Variants in FNTB observed in about 807,000 individuals in gnomAD.
The protein encoded by FNTB is protein farnesyltransferase subunit beta.
FNTB carries 27 observed loss-of-function variants against 59.4 expected under a neutral mutation model. That is an observed-to-expected ratio of 0.45 (90% CI 0.34 to 0.63). FNTB has a LOEUF of 0.63. Among genes scored for constraint, FNTB ranks in the 20% least tolerant of loss-of-function variants. The pLI is 0.02. For missense variants in FNTB, 449 were observed against 559.6 expected (o/e 0.80, Z 1.99); for synonymous variants, 230 against 220.7 (o/e 1.04, Z -0.37).
intron 11 of FNTB, among the ~76,000 whole-genome samples, chr14:65,060,389 G>A (rs1221272445): frequency 1.3e-5 from 2 of 149,422 alleles, no homozygotes; most frequent in East Asian, 4.1e-4. Context: ...AGGAGTTCGA[G>A]ACCAGCCGGA....
chr14:65,010,503 G>A (rs941975649), intron 2 of FNTB, among the ~76,000 whole-genome samples: 1 of 152,148 alleles, frequency 6.6e-6, no homozygotes, highest in Admixed American at 6.6e-5. Flanking sequence ...ACACTAGTTC[G>A]GGCCCTAAGT....
intron 11 of FNTB, 29 bp from the exon 12 acceptor site, chr14:65,061,152 T>TTAAC (rs1874933200): frequency 3.1e-6 from 5 of 1,612,926 alleles, no homozygotes; most frequent in Non-Finnish European, 4.2e-6. Context: ...ACCGGGGTGA[T>TTAAC]TAACTGGCAC....
chr14:65,055,511 T>C (rs893852772), intron 11 of FNTB, among the ~76,000 whole-genome samples: 2 of 152,156 alleles, frequency 1.3e-5, no homozygotes, highest in Admixed American at 1.3e-4. Context: ...AAAATTTTTT[T>C]TTTAATTTTT....
intron 1 of FNTB, 51 bp from the exon 2 acceptor site, chr14:65,004,198 A>G (rs769257165): frequency 1.3e-6 from 2 of 1,588,504 alleles, no homozygotes; most frequent in Admixed American, 1.8e-5. Context: ...AAGCTGATGG[A>G]GGTCTCATCT....
chr14:65,020,193 T>C (rs534659166), intron 4 of FNTB, among the ~76,000 whole-genome samples: 29 of 152,344 alleles, frequency 1.9e-4, no homozygotes, highest in Admixed American at 9.1e-4. Flanking sequence ...TGTCAGCTGC[T>C]ATGACCGCTG....
rs374513631 is a variant in FNTB at position 64,997,602 on chromosome 14, G to A, written c.145-6647G>A. Among the ~76,000 whole-genome samples, 101 of 152,316 alleles carry A rather than the reference G, an allele frequency of 6.6e-4. No homozygotes were observed. The highest frequency in any genetic ancestry group is 3.4e-3 in the Middle Eastern group (1 of 294). On this transcript the variant is annotated intron_variant, in intron 1 of 11. Coordinates refer to ENST00000246166, the MANE Select transcript of FNTB (RefSeq NM_002028.4). The surrounding 1 kb of genome is among the most constrained non-coding windows in gnomAD (Gnocchi z 4.5). ...AGCAAGCTGGAAGAACCCGTTGGGC[G>A]GTTACAAAATGAGTAAATCTCAAAG... is the stretch of plus-strand genomic sequence containing the variant.
At position 64,997,694 on chromosome 14, in the gene FNTB, C is replaced by T. The variant is rs553683953; in HGVS notation, c.145-6555C>T. ...AACAAAGAAGGATGTTGGGGAGGCC[C>T]GGAATGGGGAGGTGACCGGGAAAAG... On this transcript the variant is annotated intron_variant, in intron 1 of 11. Transcript: ENST00000246166. The surrounding 1 kb of genome is among the most constrained non-coding windows in gnomAD (Gnocchi z 4.5). 2.1e-3 allele frequency among the ~76,000 whole-genome samples: 314 copies of T among 152,186 alleles called. No individual in the cohort carries two copies. Among genetic ancestry groups the T allele is most frequent in the African/African-American group, 6.9e-3 (286 of 41,508 alleles).
In FNTB at chr14:64,994,812, T is replaced by C. The variant is rs1594984033; in HGVS notation, c.144+7715T>C. 6.6e-6 allele frequency among the ~76,000 whole-genome samples: 1 copy of C among 152,132 alleles called. No homozygotes were observed. The highest frequency in any genetic ancestry group is 1.5e-5 in the Non-Finnish European group (1 of 68,030). On this transcript the variant is annotated intron_variant, in intron 1 of 11. Transcript: ENST00000246166. This position sits in a 1 kb window ranked among gnomAD's most constrained non-coding sequence, Gnocchi z 4.2. ...TGTACACTTGTTACTGAGCAGACAT[T>C]ATGAAAAATAAAAATAAACACGGTA...
In FNTB at chr14:64,994,545, C is replaced by G. The variant is rs930663837; in HGVS notation, c.144+7448C>G. 2.0e-5 allele frequency among the ~76,000 whole-genome samples: 3 copies of G among 152,100 alleles called. No homozygotes were observed. Among genetic ancestry groups the G allele is most frequent in the Non-Finnish European group, 4.4e-5 (3 of 68,036 alleles). On this transcript the variant is annotated intron_variant, in intron 1 of 11. Coordinates refer to ENST00000246166, the MANE Select transcript of FNTB (RefSeq NM_002028.4). This position sits in a 1 kb window ranked among gnomAD's most constrained non-coding sequence, Gnocchi z 4.2. ...CAAACCTACACAGTATGTTACTGTA[C>G]TAAATACTGCAGGCAATTGGAACAC...
chr14:64,989,707 A>G (rs1888111419), intron 1 of FNTB, among the ~76,000 whole-genome samples: 1 of 152,242 alleles, frequency 6.6e-6, no homozygotes, highest in Non-Finnish European at 1.5e-5. Flanking sequence ...TTCATTCAGC[A>G]AATACTTGAG....
intron 4 of FNTB, among the ~76,000 whole-genome samples, chr14:65,017,534 T>C (rs2061800243): frequency 6.6e-6 from 1 of 152,150 alleles, no homozygotes; most frequent in Non-Finnish European, 1.5e-5. Context: ...GTGAAGGCTT[T>C]TCTGAGGAAG....
intron 8 of FNTB, among the ~76,000 whole-genome samples, chr14:65,042,677 T>TTC (rs2062378738): frequency 6.6e-6 from 1 of 152,222 alleles, no homozygotes; most frequent in Non-Finnish European, 1.5e-5. Context: ...GTAGGACCCA[T>TTC]ATCTGAAGTA....
intron 1 of FNTB, 169 bp downstream of exon 1, chr14:64,987,266 T>A: frequency 1.3e-6 from 1 of 756,034 alleles, no homozygotes; most frequent in Non-Finnish European, 2.1e-6. Flanking sequence ...GGCTTCGTCG[T>A]GGAGCGTTTG....
In FNTB at chr14:65,007,508, T is replaced by C. The variant is rs2061612546; in HGVS notation, c.209+3195T>C. Among the ~76,000 whole-genome samples the C allele has an allele frequency of 1.3e-5, 2 of 152,242 alleles. No individual in the cohort carries two copies. Among genetic ancestry groups the C allele is most frequent in the South Asian group, 2.1e-4 (1 of 4,836 alleles). ...TCAGTGTTCCAGGGCCAAAGCTGAA[T>C]AGCAGACTGGGCTGAAAGTCAAGCC... is the stretch of plus-strand genomic sequence containing the variant. On this transcript the variant is annotated intron_variant, in intron 2 of 11. Coordinates refer to ENST00000246166, the MANE Select transcript of FNTB (RefSeq NM_002028.4). This position sits in a 1 kb window ranked among gnomAD's most constrained non-coding sequence, Gnocchi z 4.9.
chr14:65,039,258 G>A (rs1014726493), intron 7 of FNTB, among the ~76,000 whole-genome samples: 1 of 152,202 alleles, frequency 6.6e-6, no homozygotes, highest in African/African-American at 2.4e-5. Flanking sequence ...CCTGCTTGGG[G>A]TATGAAACTG....
At chr14:65,056,465 C>T (rs1436440243) in intron 11 of FNTB, among the ~76,000 whole-genome samples, 1 of 152,142 alleles carries the variant, frequency 6.6e-6, no homozygotes, top group Non-Finnish European at 1.5e-5. Context: ...TGTAACTGCT[C>T]CCCAGTGTGG....
In FNTB at chr14:65,012,730, G is replaced by C. The variant is rs912735608; in HGVS notation, c.282+341G>C. Among the ~76,000 whole-genome samples the C allele has an allele frequency of 5.7e-4, 87 of 152,202 alleles. No homozygotes were observed. Among genetic ancestry groups the C allele is most frequent in the African/African-American group, 2.1e-3 (86 of 41,448 alleles). The stretch of plus-strand genomic sequence containing the variant: ...CCCTTAACCCTTTGCCCTATAAGCT[G>C]ATCTAATTTCTCGCTCATTTATTGA... On this transcript the variant is annotated intron_variant, in intron 3 of 11. Transcript: ENST00000246166. This position sits in a 1 kb window ranked among gnomAD's most constrained non-coding sequence, Gnocchi z 5.0.
intron 7 of FNTB, among the ~76,000 whole-genome samples, chr14:65,037,626 C>T (rs2062232550): frequency 6.7e-6 from 1 of 149,296 alleles, no homozygotes; most frequent in Non-Finnish European, 1.5e-5. Context: ...AGCCTCACCA[C>T]ATTGCCCAGG....
At chr14:65,026,190 C>T (rs530286929) in intron 4 of FNTB, among the ~76,000 whole-genome samples, 71 of 152,272 alleles carry the variant, frequency 4.7e-4, no homozygotes, top group Admixed American at 9.2e-4. Flanking sequence ...TTTCTCCTGG[C>T]GGGAAGGCTG....
Sources: gnomAD v4.1 joint callset for allele counts (sites outside exome capture counted in the v4.1 genomes callset) on GRCh38, gnomAD v4.1.1 for gene constraint, Gnocchi (gnomAD v3.1) non-coding constraint, MANE v1.5 for transcripts, NCBI Gene and HGNC (gene_info 2026-07-23, HGNC 2026-07-21) for gene names.